MYO6: variants seen among roughly 807,000 people sequenced by gnomAD.
MYO6 encodes the protein unconventional myosin-VI.
Under a neutral mutation model 178.7 loss-of-function variants are expected in MYO6, and 74 were observed. That is an observed-to-expected ratio of 0.41 (90% CI 0.34 to 0.50). The LOEUF (loss-of-function observed/expected upper bound fraction) is 0.50, where lower values mean the gene tolerates loss of function less well. Ranked by LOEUF, MYO6 falls within the 20% of genes least tolerant of loss-of-function variation. The probability of loss-of-function intolerance (pLI) is 0.09; values close to 1 mark genes in which losing one functional copy is unlikely to be tolerated. For missense variants in MYO6, 1,330 were observed against 1,547.4 expected (o/e 0.86, Z 2.36); for synonymous variants, 477 against 504.6 (o/e 0.95, Z 0.73).
At chr6:75,888,296 A>G (rs1414586109) in intron 25 of MYO6, among the ~76,000 whole-genome samples, 2 of 150,736 alleles carry the variant, frequency 1.3e-5, no homozygotes, top group Admixed American at 6.6e-5. Flanking sequence ...TAAATAAATA[A>G]ATGATAAAAG....
intron 20 of MYO6, 21 bp downstream of exon 20, chr6:75,873,321 AGT>A (rs977573083): frequency 7.9e-6 from 12 of 1,525,460 alleles, no homozygotes; most frequent in Non-Finnish European, 1.1e-5. Context: ...AATCTCTGTC[AGT>A]GTGTGTTAGT....
In MYO6 at chr6:75,916,731, G is replaced by T. The variant is rs1373727386; in HGVS notation, c.*1719G>T. ...TTTAGTAGCCAAATTGTTTTTTAAT[G>T]ACATGTCTCTTTAGTACAATAGTTT... On this transcript the variant is annotated 3_prime_UTR_variant, in exon 35 of 35. Coordinates refer to ENST00000369977, the MANE Select transcript of MYO6 (RefSeq NM_004999.4). The T allele has an allele frequency of 6.6e-6, 1 of 152,164 alleles. No homozygotes were observed. The highest frequency in any genetic ancestry group is 2.4e-5 in the African/African-American group (1 of 41,396). The allele number at this position is 152,164 out of a possible 1,614,324, so 9.4% of individuals were successfully genotyped here. A position where few individuals can be genotyped will look rare whatever the true frequency, so the allele number is the denominator to read the frequency against.
chr6:75,903,062 C>G (rs1779951826), intron 30 of MYO6, among the ~76,000 whole-genome samples: 1 of 152,134 alleles, frequency 6.6e-6, no homozygotes, highest in African/African-American at 2.4e-5. Context: ...ATCCTGAATT[C>G]TAGTTTCATT....
At chr6:75,818,994 T>G (rs1771581035) in intron 2 of MYO6, among the ~76,000 whole-genome samples, 1 of 152,220 alleles carries the variant, frequency 6.6e-6, no homozygotes, top group Non-Finnish European at 1.5e-5. Flanking sequence ...TGTTTATATA[T>G]AGTTGTTATG....
At chr6:75,838,776 C>T (rs1322516311) in intron 7 of MYO6, among the ~76,000 whole-genome samples, 1 of 151,824 alleles carries the variant, frequency 6.6e-6, no homozygotes, top group Admixed American at 6.6e-5. Flanking sequence ...ATTCTCCTGC[C>T]TCAGGCTCCT....
chr6:75,779,062 A>C (rs1583045801), intron 1 of MYO6, among the ~76,000 whole-genome samples: 1 of 134,972 alleles, frequency 7.4e-6, no homozygotes, highest in African/African-American at 3.3e-5. Context: ...GTCTCAAAAA[A>C]AAAAAAAAAA....
rs78288192 is a variant in MYO6 at position 75,818,163 on chromosome 6, A to G, written c.117+499A>G. ...TTAAAATTATTGCTATCATTTTTGT[A>G]ATAGATGCTTTAATTCTGTACACAT... is the stretch of plus-strand genomic sequence containing the variant. On this transcript the variant is annotated intron_variant, in intron 2 of 34. Transcript: ENST00000369977. Among the ~76,000 whole-genome samples, 13 of 152,206 alleles carry G rather than the reference A, an allele frequency of 8.5e-5. No homozygotes were observed. The East Asian group carries it at 2.3e-3, about 27-fold the overall frequency.
intron 1 of MYO6, among the ~76,000 whole-genome samples, chr6:75,760,891 G>T (rs927062138): frequency 3.3e-5 from 5 of 151,984 alleles, no homozygotes; most frequent in Non-Finnish European, 5.9e-5. Flanking sequence ...TGTATTCTTT[G>T]AATTTCCTTG....
intron 1 of MYO6, among the ~76,000 whole-genome samples, chr6:75,782,956 C>G (rs533770934): frequency 6.7e-6 from 1 of 150,192 alleles, no homozygotes; most frequent in Non-Finnish European, 1.5e-5. Context: ...GCTTTGTCAC[C>G]CAGGCTGGAG....
At chr6:75,881,853 A>G in intron 23 of MYO6, 35 bp downstream of exon 23, 1 of 1,610,480 alleles carries the variant, frequency 6.2e-7, no homozygotes, top group Non-Finnish European at 8.5e-7. Flanking sequence ...AGGATCTTTC[A>G]TTGTTTCAAG....
chr6:75,876,234 A>G (rs920437587), intron 20 of MYO6, among the ~76,000 whole-genome samples: 4 of 152,170 alleles, frequency 2.6e-5, no homozygotes, highest in Non-Finnish European at 5.9e-5. Context: ...TTTATTTCAC[A>G]GTTGTAGTTA....
chr6:75,772,218 T>C (rs1220684499), intron 1 of MYO6, among the ~76,000 whole-genome samples: 1 of 152,108 alleles, frequency 6.6e-6, no homozygotes, highest in African/African-American at 2.4e-5. Context: ...TGTCTCCTGT[T>C]TGTCACAAAG....
chr6:75,899,556 G>A (rs1301616527), intron 30 of MYO6, among the ~76,000 whole-genome samples: 4 of 152,068 alleles, frequency 2.6e-5, no homozygotes, highest in Non-Finnish European at 5.9e-5. Context: ...TACACAGCTG[G>A]CCATTTTTGA....
At chr6:75,853,240 T>G (rs1274464345) in intron 11 of MYO6, among the ~76,000 whole-genome samples, 1 of 152,198 alleles carries the variant, frequency 6.6e-6, no homozygotes, top group Non-Finnish European at 1.5e-5. Context: ...GTACAAGTCC[T>G]TTATCAGATA....
At chr6:75,839,212 A>T (rs1183396713) in intron 7 of MYO6, among the ~76,000 whole-genome samples, 1 of 151,502 alleles carries the variant, frequency 6.6e-6, no homozygotes, top group African/African-American at 2.4e-5. Context: ...TTTTTTTGAG[A>T]TGGAGTATCG....
intron 16 of MYO6, among the ~76,000 whole-genome samples, chr6:75,863,519 A>G (rs901872855): frequency 6.6e-6 from 1 of 151,052 alleles, no homozygotes; most frequent in Admixed American, 6.6e-5. Context: ...GAGTTTCGCT[A>G]TTGTCACCCA....
intron 1 of MYO6, among the ~76,000 whole-genome samples, chr6:75,799,382 C>T: frequency 7.6e-6 from 1 of 131,458 alleles, no homozygotes; most frequent in South Asian, 2.4e-4. Flanking sequence ...AAGAGCAAAA[C>T]TCTGTCTAAA....
Position 75,907,726 on chromosome 6 carries a change from A to T in MYO6, c.3280+18A>T. 6.3e-7 allele frequency: 1 copy of T among 1,585,432 alleles called. No homozygotes were observed. The highest frequency in any genetic ancestry group is 8.6e-7 in the Non-Finnish European group (1 of 1,156,414). On this transcript the variant is annotated intron_variant, in intron 31 of 34. Coordinates refer to ENST00000369977, the MANE Select transcript of MYO6 (RefSeq NM_004999.4). ...TTCTTGTGGTAAGTGTTTGGAGAAG[A>T]TCAAAAATAGAAAATGTTCATAGTG...
intron 16 of MYO6, 116 bp downstream of exon 16, chr6:75,862,839 C>A: frequency 1.7e-6 from 2 of 1,183,320 alleles, no homozygotes; most frequent in Non-Finnish European, 2.5e-6. Context: ...GTGTATAGAG[C>A]AACTATATTA....
Sources: gnomAD v4.1 joint callset for allele counts (sites outside exome capture counted in the v4.1 genomes callset) on GRCh38, gnomAD v4.1.1 for gene constraint, MANE v1.5 for transcripts, NCBI Gene and HGNC (gene_info 2026-07-23, HGNC 2026-07-21) for gene names.